The following YAP1 variants were observed in gnomAD, a reference collection of about 807,000 sequenced individuals.
YAP1 encodes Yes1 associated transcriptional regulator.
A neutral mutation model predicts 56.9 loss-of-function variants in YAP1; 5 were observed. That is an observed-to-expected ratio of 0.09 (90% CI 0.05 to 0.18). The LOEUF (loss-of-function observed/expected upper bound fraction) is 0.18, where lower values mean the gene tolerates loss of function less well. Ranked by LOEUF, YAP1 falls within the 10% of genes least tolerant of loss-of-function variation. The probability of loss-of-function intolerance (pLI) is 1.00; values close to 1 mark genes in which losing one functional copy is unlikely to be tolerated. For missense variants in YAP1, 539 were observed against 651.8 expected (o/e 0.83, Z 1.88); for synonymous variants, 265 against 248.1 (o/e 1.07, Z -0.64).
At chr11:102,127,858 T>C (rs1944126626) in intron 2 of YAP1, among the ~76,000 whole-genome samples, 1 of 152,172 alleles carries the variant, frequency 6.6e-6, no homozygotes, top group Non-Finnish European at 1.5e-5. Flanking sequence ...ATCTCTTGTA[T>C]CAGTGAGACC....
At chr11:102,133,668 A>G (rs1944504980) in intron 2 of YAP1, among the ~76,000 whole-genome samples, 1 of 152,220 alleles carries the variant, frequency 6.6e-6, no homozygotes, top group Non-Finnish European at 1.5e-5. Context: ...ACAAATGCTT[A>G]TAATTAAGAA....
intron 4 of YAP1, among the ~76,000 whole-genome samples, chr11:102,196,673 C>T (rs79931190): frequency 0.02 from 2,864 of 141,686 alleles, 34 homozygotes; most frequent in Non-Finnish European, 0.027. Flanking sequence ...GAAATTAGAT[C>T]GTGGCAATGG....
chr11:102,205,293 T>C (rs993696604), intron 4 of YAP1, among the ~76,000 whole-genome samples: 1 of 152,184 alleles, frequency 6.6e-6, no homozygotes, highest in Non-Finnish European at 1.5e-5. Context: ...CTTGCTTTAT[T>C]GGGATGTGTA....
intron 8 of YAP1, among the ~76,000 whole-genome samples, chr11:102,229,389 G>A (rs1327962284): frequency 2.0e-5 from 3 of 152,162 alleles, no homozygotes. Flanking sequence ...GTCGTGTTGT[G>A]TACTTGTTCT....
intron 3 of YAP1, among the ~76,000 whole-genome samples, chr11:102,183,819 G>A (rs1947783414): frequency 6.6e-6 from 1 of 151,934 alleles, no homozygotes; most frequent in Non-Finnish European, 1.5e-5. Flanking sequence ...GCTCACGCCT[G>A]TAATCCCAGC....
chr11:102,112,591 T>G, intron 1 of YAP1: 1 of 985,310 alleles, frequency 1.0e-6, no homozygotes, highest in South Asian at 4.7e-5. Context: ...TTCCCTCTCC[T>G]ATTTGCAGGC....
intron 6 of YAP1, among the ~76,000 whole-genome samples, chr11:102,211,278 T>G (rs1379190448): frequency 6.6e-6 from 1 of 152,226 alleles, no homozygotes; most frequent in East Asian, 1.9e-4. Flanking sequence ...AAAGTAAATC[T>G]TTACTGTTAT....
At chr11:102,149,196 T>C (rs1190838318) in intron 2 of YAP1, among the ~76,000 whole-genome samples, 4 of 152,248 alleles carry the variant, frequency 2.6e-5, no homozygotes, top group Non-Finnish European at 5.9e-5. Context: ...ATATTAATGC[T>C]ATGTAACCTG....
chr11:102,224,403 G>A (rs148499340), intron 7 of YAP1, among the ~76,000 whole-genome samples: 1 of 152,304 alleles, frequency 6.6e-6, no homozygotes, highest in Non-Finnish European at 1.5e-5. Flanking sequence ...TGCCTAGGAA[G>A]TCATTTAAGA....
chr11:102,142,629 G>C (rs773634715), intron 2 of YAP1, among the ~76,000 whole-genome samples: 58 of 152,172 alleles, frequency 3.8e-4, no homozygotes, highest in South Asian at 1.0e-3. Context: ...TTTAGTTTTA[G>C]ACTGTTTTGA....
At chr11:102,167,369 A>T (rs1204453701) in intron 3 of YAP1, among the ~76,000 whole-genome samples, 1 of 152,250 alleles carries the variant, frequency 6.6e-6, no homozygotes, top group Non-Finnish European at 1.5e-5. Context: ...TTATATTAAA[A>T]TATTCAATGT....
intron 8 of YAP1, 136 bp from the exon 9 acceptor site, chr11:102,229,566 G>C (rs1240051320): frequency 1.4e-6 from 1 of 713,010 alleles, no homozygotes; most frequent in Non-Finnish European, 2.3e-6. Flanking sequence ...TGTTTGACCT[G>C]ATATAAATTC....
chr11:102,189,446 CTG>C (rs757761718), intron 4 of YAP1, among the ~76,000 whole-genome samples: 32 of 152,124 alleles, frequency 2.1e-4, no homozygotes, highest in Non-Finnish European at 3.4e-4. Flanking sequence ...TGTTACCAAT[CTG>C]TGTTTTAGGA....
At chr11:102,181,117 A>C (rs1338615314) in intron 3 of YAP1, among the ~76,000 whole-genome samples, 3 of 151,898 alleles carry the variant, frequency 2.0e-5, no homozygotes, top group Non-Finnish European at 2.9e-5. Flanking sequence ...ACTGCACTCC[A>C]TCCTGGGTGA....
chr11:102,208,370 T>G (rs1182778136), intron 5 of YAP1, among the ~76,000 whole-genome samples: 1 of 152,250 alleles, frequency 6.6e-6, no homozygotes, highest in African/African-American at 2.4e-5. Flanking sequence ...TAAATTTGTT[T>G]GCCATTTTCT....
intron 6 of YAP1, among the ~76,000 whole-genome samples, chr11:102,220,589 G>C (rs1338657645): frequency 6.6e-6 from 1 of 151,970 alleles, no homozygotes; most frequent in African/African-American, 2.4e-5. Flanking sequence ...TAAGCTTGTA[G>C]GGAAGGAGAA....
At chr11:102,115,324 G>A (rs1365993093) in intron 2 of YAP1, among the ~76,000 whole-genome samples, 1 of 152,174 alleles carries the variant, frequency 6.6e-6, no homozygotes, top group African/African-American at 2.4e-5. Flanking sequence ...GAAAAACAGT[G>A]TAAGTTTTGA....
intron 2 of YAP1, among the ~76,000 whole-genome samples, chr11:102,154,749 C>G (rs989608784): frequency 2.6e-5 from 4 of 152,180 alleles, no homozygotes; most frequent in African/African-American, 9.6e-5. Context: ...CAAGGGTTCC[C>G]TTACTTACTT....
intron 2 of YAP1, among the ~76,000 whole-genome samples, chr11:102,136,945 G>A (rs1481707663): frequency 6.6e-6 from 1 of 152,080 alleles, no homozygotes; most frequent in East Asian, 1.9e-4. Flanking sequence ...TCTTGTCTTG[G>A]CTGTTCTTTG....
Sources: gnomAD v4.1 joint callset for allele counts (sites outside exome capture counted in the v4.1 genomes callset) on GRCh38, gnomAD v4.1.1 for gene constraint, MANE v1.5 for transcripts, NCBI Gene and HGNC (gene_info 2026-07-23, HGNC 2026-07-21) for gene names.